The following CREBRF variants were observed in gnomAD, a reference collection of about 807,000 sequenced individuals.
The protein encoded by CREBRF is UPF0474 protein C5orf41.
In CREBRF, 5 loss-of-function variants were observed where a neutral mutation model predicts 66.1. That is an observed-to-expected ratio of 0.08 (90% CI 0.04 to 0.16). The LOEUF (loss-of-function observed/expected upper bound fraction) is 0.16, where lower values mean the gene tolerates loss of function less well. Ranked by LOEUF, CREBRF falls within the 10% of genes least tolerant of loss-of-function variation. The pLI, the probability that CREBRF is intolerant of heterozygous loss-of-function variation, is 1.00. For synonymous variants in CREBRF, 229 were observed against 264.4 expected, an observed-to-expected ratio of 0.87 and a Z score of 1.30; for missense variants, 531 against 744.9, an observed-to-expected ratio of 0.71 and a Z score of 3.34.
chr5:173,059,027 G>A (rs1219808201), intron 1 of CREBRF, among the ~76,000 whole-genome samples: 1 of 151,402 alleles, frequency 6.6e-6, no homozygotes, highest in Non-Finnish European at 1.5e-5. Flanking sequence ...TCGAACTTCT[G>A]GCTTTAGGTG....
intron 4 of CREBRF, among the ~76,000 whole-genome samples, chr5:173,106,063 A>C (rs1004465913): frequency 6.6e-6 from 1 of 152,236 alleles, no homozygotes; most frequent in Non-Finnish European, 1.5e-5. Flanking sequence ...CCATTGCTTT[A>C]TTCTAATATA....
intron 1 of CREBRF, among the ~76,000 whole-genome samples, chr5:173,064,582 T>C (rs1168504884): frequency 6.8e-6 from 1 of 147,032 alleles, no homozygotes; most frequent in Non-Finnish European, 1.5e-5. Context: ...TTTTTTTTTT[T>C]TGAGACAGAG....
Position 173,129,935 on chromosome 5 carries a change from C to T in CREBRF, c.1805-3695C>T, listed in dbSNP as rs1160113841. On this transcript the variant is annotated intron_variant, in intron 8 of 8. Coordinates refer to ENST00000296953, the MANE Select transcript of CREBRF (RefSeq NM_153607.3). ...CTGCCTCCCAGGTTCAAGCGATTCT[C>T]CTGCCTCAGCCTCCTGAGTAGCTGG... Among the ~76,000 whole-genome samples the T allele has an allele frequency of 3.3e-5, 5 of 152,064 alleles. No homozygotes were observed. In the East Asian group the frequency reaches 7.7e-4, roughly 24 times the overall value.
intron 2 of CREBRF, among the ~76,000 whole-genome samples, chr5:173,084,673 A>G (rs409865): frequency 0.49 from 73,971 of 151,876 alleles, 19,148 homozygotes; most frequent in Non-Finnish European, 0.58. Context: ...ACAGAGTCTC[A>G]CTCAGTTGCC....
chr5:173,123,902 C>G (rs1211062108), intron 8 of CREBRF: 1 of 152,220 alleles, frequency 6.6e-6, no homozygotes, highest in African/African-American at 2.4e-5. Context: ...CCTCAGCAAT[C>G]ACTTACCTCC....
intron 1 of CREBRF, among the ~76,000 whole-genome samples, chr5:173,065,824 A>C (rs1168012502): frequency 6.6e-6 from 1 of 151,006 alleles, no homozygotes; most frequent in Non-Finnish European, 1.5e-5. Flanking sequence ...TTTTGTAGAG[A>C]CAGGGTTTCC....
intron 8 of CREBRF, among the ~76,000 whole-genome samples, chr5:173,132,841 T>TGCCGACCTCAGGTGATCC (rs1198928116): frequency 6.6e-6 from 1 of 150,656 alleles, no homozygotes. Flanking sequence ...TCAGGTGATC[T>TGCCGACCTCAGGTGATCC]GCCGACCTCA....
intron 2 of CREBRF, chr5:173,085,439 G>A (rs1758117109): frequency 1.7e-5 from 13 of 762,390 alleles, no homozygotes; most frequent in South Asian, 4.9e-5. Flanking sequence ...TTTTGGAGAC[G>A]GAGTTTCGCT....
chr5:173,093,154 G>C (rs1758391433), intron 4 of CREBRF, among the ~76,000 whole-genome samples: 1 of 152,054 alleles, frequency 6.6e-6, no homozygotes, highest in Non-Finnish European at 1.5e-5. Context: ...AAGAGAGGAT[G>C]GGTAATTAAG....
chr5:173,080,781 T>A lies in CREBRF; in HGVS notation c.6T>A (p.Pro2=), dbSNP rs769340104. 44 of 1,613,550 alleles carry A rather than the reference T, an allele frequency of 2.7e-5. No individual in the cohort carries two copies. Among genetic ancestry groups the A allele is most frequent in the Non-Finnish European group, 3.6e-5 (43 of 1,179,738 alleles). M[P]QPSVSGMDPP... ...CACAGGATCTGGGCTTGGAAATGCC[T>A]CAGGTAAATCATACAGAGTAGGTGC... Residue 2 remains proline, a synonymous_variant, in exon 2 of 9, where the codon CCT becomes CCA. Coordinates refer to ENST00000296953, the MANE Select transcript of CREBRF (RefSeq NM_153607.3).
At chr5:173,062,519 T>C (rs1430686453) in intron 1 of CREBRF, among the ~76,000 whole-genome samples, 1 of 152,200 alleles carries the variant, frequency 6.6e-6, no homozygotes, top group Non-Finnish European at 1.5e-5. Context: ...ATTTTGATGA[T>C]GTTTAAAAAT....
At chr5:173,083,193 A>AGC (rs1758019969) in intron 2 of CREBRF, among the ~76,000 whole-genome samples, 1 of 152,052 alleles carries the variant, frequency 6.6e-6, no homozygotes, top group Non-Finnish European at 1.5e-5. Context: ...ATGCCAACAG[A>AGC]GCGAGACTCT....
At chr5:173,056,955 G>C (rs1341840200) in intron 1 of CREBRF, among the ~76,000 whole-genome samples, 1 of 151,914 alleles carries the variant, frequency 6.6e-6, no homozygotes, top group African/African-American at 2.4e-5. Flanking sequence ...GTGAGGAAGG[G>C]CCGGGGCCGC....
At chr5:173,081,904 A>G (rs1445858724) in intron 2 of CREBRF, among the ~76,000 whole-genome samples, 1 of 151,980 alleles carries the variant, frequency 6.6e-6, no homozygotes, top group Admixed American at 6.6e-5. Flanking sequence ...CTCTGTCTCA[A>G]AAAACAAACA....
intron 1 of CREBRF, among the ~76,000 whole-genome samples, chr5:173,058,733 C>G (rs533049464): frequency 4.0e-5 from 6 of 151,398 alleles, no homozygotes; most frequent in Admixed American, 3.3e-4. Context: ...GATCCGCCCC[C>G]CTCGGCCTCC....
At chr5:173,130,858 C>T (rs962784196) in intron 8 of CREBRF, among the ~76,000 whole-genome samples, 3 of 152,146 alleles carry the variant, frequency 2.0e-5, no homozygotes, top group African/African-American at 7.2e-5. Flanking sequence ...TCGTACACCA[C>T]CATGCCTGGC....
At chr5:173,123,035 T>C in intron 7 of CREBRF, 45 bp from the exon 8 acceptor site, 6 of 1,538,360 alleles carry the variant, frequency 3.9e-6, no homozygotes, top group Non-Finnish European at 5.2e-6. Flanking sequence ...AAGGAAAGTC[T>C]TTCATGGTAG....
intron 8 of CREBRF, among the ~76,000 whole-genome samples, chr5:173,128,388 A>G (rs1759322011): frequency 6.6e-6 from 1 of 152,012 alleles, no homozygotes; most frequent in African/African-American, 2.4e-5. Context: ...TTTTAAAAGA[A>G]GATGTATTTT....
At chr5:173,071,819 G>C (rs1175710673) in intron 1 of CREBRF, among the ~76,000 whole-genome samples, 1 of 151,274 alleles carries the variant, frequency 6.6e-6, no homozygotes, top group Non-Finnish European at 1.5e-5. Context: ...ACTTTGGGAG[G>C]CCAAGGCAGG....
Sources: gnomAD v4.1 joint callset for allele counts (sites outside exome capture counted in the v4.1 genomes callset) on GRCh38, gnomAD v4.1.1 for gene constraint, MANE v1.5 for transcripts, NCBI Gene and HGNC (gene_info 2026-07-23, HGNC 2026-07-21) for gene names.